The following TRAT1 variants were observed in gnomAD, a reference collection of about 807,000 sequenced individuals.
TRAT1 encodes the protein T-cell receptor-associated transmembrane adapter 1.
A neutral mutation model predicts 20.0 loss-of-function variants in TRAT1; 20 were observed. The ratio of observed to expected loss-of-function variants is 1.00; its 90% CI spans 0.70 to 1.45. The LOEUF is 1.45. TRAT1 is among the 40% of genes most tolerant of loss of function. The pLI is 0.00. For synonymous variants in TRAT1, 77 were observed against 74.2 expected (o/e 1.04, Z -0.20); for missense variants, 237 against 224.1 (o/e 1.06, Z -0.37).
In TRAT1 at chr3:108,849,203, C is replaced by A. The variant is rs769718777; in HGVS notation, c.252C>A (p.Ala84=). The change falls in exon 5 of 6, where the codon GCC becomes GCA. Residue 84 remains alanine, a synonymous_variant. Coordinates refer to ENST00000295756, the MANE Select transcript of TRAT1 (RefSeq NM_016388.4). ...MDENCYEQMK[A]RPEKSVNKMQ... ...AAAATTGCTATGAACAAATGAAAGC[C>A]CGACCAGAGAAATCTGTAAATAAGA... The A allele has an allele frequency of 5.6e-6, 9 of 1,613,884 alleles. No individual in the cohort carries two copies. In the African/African-American group the frequency reaches 6.7e-5, roughly 12 times the overall value.
chr3:108,854,461 C>T lies in TRAT1; in HGVS notation c.*584C>T, dbSNP rs984420657. On this transcript the variant is annotated 3_prime_UTR_variant, in exon 6 of 6. Coordinates refer to ENST00000295756, the MANE Select transcript of TRAT1 (RefSeq NM_016388.4). ...TCAAAAATTGTCAAATTAATGCATGCTCCTTACAACAAACAAATATCAAAA... is the reference window on the plus strand; with the variant it reads ...TCAAAAATTGTCAAATTAATGCATGTTCCTTACAACAAACAAATATCAAAA... 6.6e-6 allele frequency: 1 copy of T among 152,178 alleles called. No individual in the cohort carries two copies. The highest frequency in any genetic ancestry group is 2.4e-5 in the African/African-American group (1 of 41,428). 9.4% of individuals were successfully genotyped at this position (152,178 alleles called of 1,614,324 possible). A position where few individuals can be genotyped will look rare whatever the true frequency, so the allele number is the denominator to read the frequency against.
intron 1 of TRAT1, among the ~76,000 whole-genome samples, chr3:108,824,240 G>T (rs1945717436): frequency 6.6e-6 from 1 of 152,144 alleles, no homozygotes; most frequent in South Asian, 2.1e-4. Context: ...TTTTTCTGTA[G>T]TAAGGGTTAT....
chr3:108,853,620 G>A lies in TRAT1; in HGVS notation c.304G>A (p.Ala102Thr), dbSNP rs371978520. 1.9e-5 allele frequency: 30 copies of A among 1,610,170 alleles called. No individual in the cohort carries two copies. The African/African-American group carries it at 2.9e-4, about 16-fold the overall frequency. ...KMQEATPSAQATNETQMCYAS... is the reference protein window; with the variant it reads ...KMQEATPSAQTTNETQMCYAS... ...AAAAATTAACATCCCTTTCTTTTAG[G>A]CAACCAATGAAACACAGATGTGCTA... is the stretch of plus-strand genomic sequence containing the variant. The change falls in exon 6 of 6, where the codon GCA becomes ACA. Residue 102 changes from alanine to threonine, a missense_variant and splice_region_variant. Physicochemically the swap from Ala to Thr is moderately conservative, Grantham distance 58. Transcript: ENST00000295756.
intron 3 of TRAT1, among the ~76,000 whole-genome samples, chr3:108,846,147 AC>A (rs1945939667): frequency 6.6e-6 from 1 of 152,154 alleles, no homozygotes; most frequent in Non-Finnish European, 1.5e-5. Context: ...TTACAACTAA[AC>A]TTGCTGTACA....
At chr3:108,826,665 G>T (rs1052862908) in intron 1 of TRAT1, among the ~76,000 whole-genome samples, 1 of 151,998 alleles carries the variant, frequency 6.6e-6, no homozygotes, top group African/African-American at 2.4e-5. Context: ...GAGATTTCTG[G>T]GTGCCTAAAA....
intron 5 of TRAT1, among the ~76,000 whole-genome samples, chr3:108,850,301 T>C (rs1456657995): frequency 7.8e-6 from 1 of 127,682 alleles, no homozygotes; most frequent in Non-Finnish European, 1.6e-5. Context: ...AATCAAACTT[T>C]TAAACTTTTT....
In TRAT1 at chr3:108,847,138, T is replaced by C. The variant is rs1945954968; in HGVS notation, c.214+9T>C. ...AGATGATATGATTTCAGGTAAGTTT[T>C]CCATAAGTTAAATTTATAAATAAGT... On this transcript the variant is annotated intron_variant, in intron 4 of 5. Coordinates refer to ENST00000295756, the MANE Select transcript of TRAT1 (RefSeq NM_016388.4). 6.7e-7 allele frequency: 1 copy of C among 1,489,846 alleles called. No individual in the cohort carries two copies. Among genetic ancestry groups the C allele is most frequent in the East Asian group, 2.3e-5 (1 of 43,322 alleles). 92.3% of individuals were successfully genotyped at this position (1,489,846 alleles called of 1,614,324 possible).
intron 5 of TRAT1, among the ~76,000 whole-genome samples, chr3:108,852,900 A>G (rs141794494): frequency 2.0e-5 from 3 of 152,304 alleles, no homozygotes; most frequent in Admixed American, 2.0e-4. Context: ...TGCCTTTAGC[A>G]TGTTGCTTCC....
At chr3:108,824,668 T>C (rs1945720844) in intron 1 of TRAT1, among the ~76,000 whole-genome samples, 2 of 152,190 alleles carry the variant, frequency 1.3e-5, no homozygotes, top group Admixed American at 6.5e-5. Context: ...AACCAATTGA[T>C]TACATAAATC....
chr3:108,831,538 CTTTT>C (rs779234270), intron 2 of TRAT1, among the ~76,000 whole-genome samples: 5 of 132,132 alleles, frequency 3.8e-5, no homozygotes, highest in Admixed American at 7.6e-5. Context: ...TGGAAGGTAT[CTTTT>C]TTTTTTTTTT....
intron 3 of TRAT1, among the ~76,000 whole-genome samples, chr3:108,839,495 A>T (rs1945872238): frequency 6.6e-6 from 1 of 152,054 alleles, no homozygotes; most frequent in Non-Finnish European, 1.5e-5. Flanking sequence ...AACAAAAAAA[A>T]ATTAGCTGGG....
At chr3:108,838,871 T>C (rs532525742) in intron 2 of TRAT1, 63 bp from the exon 3 acceptor site, 29 of 1,295,370 alleles carry the variant, frequency 2.2e-5, no homozygotes, top group African/African-American at 4.4e-5. Context: ...GAACACACTT[T>C]AGAATATTTA....
intron 3 of TRAT1, among the ~76,000 whole-genome samples, chr3:108,841,448 A>T (rs759703331): frequency 6.6e-6 from 1 of 152,114 alleles, no homozygotes; most frequent in Admixed American, 6.5e-5. Context: ...ACTAAAAACT[A>T]TCTGAATCCA....
At chr3:108,836,138 C>T (rs994401057) in intron 2 of TRAT1, among the ~76,000 whole-genome samples, 2 of 151,888 alleles carry the variant, frequency 1.3e-5, no homozygotes, top group Non-Finnish European at 2.9e-5. Context: ...CAGGATAGTC[C>T]CGATCTCCCG....
intron 3 of TRAT1, among the ~76,000 whole-genome samples, chr3:108,844,142 T>TA (rs1945919084): frequency 6.6e-6 from 1 of 152,242 alleles, no homozygotes. Context: ...AAAATAGATT[T>TA]ATTTCGTTTT....
intron 4 of TRAT1, among the ~76,000 whole-genome samples, 182 bp from the exon 5 acceptor site, chr3:108,848,984 C>T (rs776459471): frequency 1.9e-4 from 29 of 152,112 alleles, no homozygotes; most frequent in Non-Finnish European, 8.8e-5. Flanking sequence ...GAGACTTCAC[C>T]GCCTGATCTG....
At chr3:108,830,497 C>T (rs1207894091) in intron 1 of TRAT1, among the ~76,000 whole-genome samples, 173 bp from the exon 2 acceptor site, 1 of 152,196 alleles carries the variant, frequency 6.6e-6, no homozygotes, top group Non-Finnish European at 1.5e-5. Context: ...AGCAACTTAA[C>T]ACCAACACCC....
chr3:108,823,085 ATG>A (rs910989171), intron 1 of TRAT1, 151 bp downstream of exon 1: 12 of 125,666 alleles, frequency 9.5e-5, no homozygotes, highest in Admixed American at 3.4e-4. Context: ...ATTTTGAAAC[ATG>A]TTAATGAGTA....
intron 3 of TRAT1, among the ~76,000 whole-genome samples, chr3:108,844,835 C>G (rs1314610735): frequency 9.6e-6 from 1 of 104,410 alleles, no homozygotes; most frequent in Non-Finnish European, 1.7e-5. Flanking sequence ...CAGAGAGAGA[C>G]TCTGTCTCAA....
Sources: allele counts gnomAD v4.1 joint callset (sites outside exome capture counted in the v4.1 genomes callset), GRCh38; gene constraint gnomAD v4.1.1; transcripts MANE v1.5; gene names NCBI Gene and HGNC (gene_info 2026-07-23, HGNC 2026-07-21).